NDST3: variants seen among roughly 807,000 people sequenced by gnomAD.
NDST3 encodes the protein N-deacetylase and N-sulfotransferase 3.
A neutral mutation model predicts 96.1 loss-of-function variants in NDST3; 58 were observed. The observed-to-expected ratio is 0.60, with a 90% CI of 0.49 to 0.75. The LOEUF (loss-of-function observed/expected upper bound fraction) is 0.75. NDST3 is among the 30% of genes least tolerant of loss of function. NDST3 has a pLI of 0.00. For synonymous variants in NDST3, 333 were observed against 359.7 expected (o/e 0.93, Z 0.84); for missense variants, 788 against 1,034.2 (o/e 0.76, Z 3.27).
At chr4:118,183,348 C>G (rs1736726286) in intron 6 of NDST3, among the ~76,000 whole-genome samples, 1 of 152,128 alleles carries the variant, frequency 6.6e-6, no homozygotes, top group South Asian at 2.1e-4. Context: ...GTTTCCAGCC[C>G]TTCTCTTCTT....
At chr4:118,173,372 C>A (rs1257381674) in intron 6 of NDST3, among the ~76,000 whole-genome samples, 1 of 152,052 alleles carries the variant, frequency 6.6e-6, no homozygotes, top group Non-Finnish European at 1.5e-5. Context: ...ATGCTCATAG[C>A]CTTAGATAGC....
intron 6 of NDST3, among the ~76,000 whole-genome samples, chr4:118,150,189 T>C (rs1354468476): frequency 6.6e-6 from 1 of 152,134 alleles, no homozygotes; most frequent in Non-Finnish European, 1.5e-5. Flanking sequence ...TGCATCAATG[T>C]TCATCAAGGA....
chr4:118,162,690 G>A (rs1230139632), intron 6 of NDST3, among the ~76,000 whole-genome samples: 4 of 148,572 alleles, frequency 2.7e-5, no homozygotes, highest in East Asian at 2.0e-4. Flanking sequence ...ATAGGCATGG[G>A]AAAGGACTTC....
At chr4:118,253,971 C>A (rs1029050240) in intron 13 of NDST3, among the ~76,000 whole-genome samples, 1 of 152,078 alleles carries the variant, frequency 6.6e-6, no homozygotes, top group African/African-American at 2.4e-5. Context: ...CCGAGTGTGG[C>A]GGCTCATGCC....
chr4:118,126,537 C>CATATATATATATATACACATATATATAT (rs1553933946), intron 4 of NDST3, among the ~76,000 whole-genome samples: 20 of 20,326 alleles, frequency 9.8e-4, no homozygotes, highest in South Asian at 2.7e-3. Flanking sequence ...TATATATACA[C>CATATATATATATATACACATATATATAT]ATATATATAT....
At chr4:118,173,422 G>A (rs970224807) in intron 6 of NDST3, among the ~76,000 whole-genome samples, 5 of 151,954 alleles carry the variant, frequency 3.3e-5, no homozygotes, top group East Asian at 1.9e-4. Context: ...TCTTAGTCTG[G>A]TTTCTTATCC....
In NDST3 at chr4:118,138,170, C is replaced by T. The variant is rs755636402; in HGVS notation, c.1341C>T (p.Thr447=). ...AWKKVWNIKI[T]STEEYPHLKP... is the part of the protein sequence containing the mutation. ...AGAAGGTCTGGAATATTAAAATCAC[C>T]AGCACTGAAGAATATCCACATCTGA... Residue 447 remains threonine (T), a synonymous_variant, in exon 5 of 14, where the codon ACC becomes ACT. Coordinates refer to ENST00000296499, the MANE Select transcript of NDST3 (RefSeq NM_004784.3). The T allele has an allele frequency of 1.2e-6, 2 of 1,613,820 alleles. No homozygotes were observed. The highest frequency in any genetic ancestry group is 1.7e-5 in the Admixed American group (1 of 59,978).
chr4:118,059,229 C>T lies in NDST3; in HGVS notation c.981+4338C>T, dbSNP rs544256948. 2.8e-4 allele frequency among the ~76,000 whole-genome samples: 43 copies of T among 152,210 alleles called. No individual in the cohort carries two copies. The South Asian group carries it at 8.9e-3, about 32-fold the overall frequency. On this transcript the variant is annotated intron_variant, in intron 2 of 13. Transcript: ENST00000296499. ...GTGGCTCCTCCTGGAGCATCTTGTA[C>T]TTCTTTCTGGAGGTACTCAACAGCC...
intron 6 of NDST3, among the ~76,000 whole-genome samples, chr4:118,222,238 C>T (rs1257361431): frequency 6.6e-6 from 1 of 151,868 alleles, no homozygotes; most frequent in Non-Finnish European, 1.5e-5. Flanking sequence ...AGAAAGCAAG[C>T]TAACTTTTTA....
At chr4:118,200,840 C>T (rs1005814233) in intron 6 of NDST3, among the ~76,000 whole-genome samples, 8 of 151,920 alleles carry the variant, frequency 5.3e-5, no homozygotes, top group Non-Finnish European at 1.0e-4. Flanking sequence ...AGATTTGTTA[C>T]ATAGGAATAT....
At chr4:118,172,940 A>G (rs979008954) in intron 6 of NDST3, among the ~76,000 whole-genome samples, 2 of 152,128 alleles carry the variant, frequency 1.3e-5, no homozygotes, top group African/African-American at 4.8e-5. Context: ...CACTAATAAT[A>G]TGTAAACTAT....
chr4:118,043,689 C>T (rs1470246207), intron 1 of NDST3, among the ~76,000 whole-genome samples: 3 of 152,158 alleles, frequency 2.0e-5, no homozygotes. Context: ...AGCAACAGGT[C>T]AGTCCATCCT....
intron 4 of NDST3, among the ~76,000 whole-genome samples, chr4:118,136,634 C>T (rs1362261866): frequency 6.6e-6 from 1 of 152,092 alleles, no homozygotes; most frequent in Non-Finnish European, 1.5e-5. Context: ...CCTTCAGAAA[C>T]ACAGGAATGG....
At chr4:118,164,573 T>G (rs751646978) in intron 6 of NDST3, among the ~76,000 whole-genome samples, 8 of 152,064 alleles carry the variant, frequency 5.3e-5, no homozygotes, top group African/African-American at 9.7e-5. Flanking sequence ...TTACAAGAAA[T>G]GCTAAAAGGA....
At chr4:118,110,681 T>C (rs1201156479) in intron 3 of NDST3, among the ~76,000 whole-genome samples, 1 of 152,174 alleles carries the variant, frequency 6.6e-6, no homozygotes, top group Admixed American at 6.5e-5. Context: ...TGCAATAACT[T>C]CATAAGATTT....
chr4:118,089,262 G>A (rs1253943969), intron 2 of NDST3, among the ~76,000 whole-genome samples: 2 of 151,804 alleles, frequency 1.3e-5, no homozygotes, highest in Non-Finnish European at 2.9e-5. Flanking sequence ...ATGGTATGCA[G>A]ACAGTAATGT....
intron 1 of NDST3, among the ~76,000 whole-genome samples, chr4:118,048,351 T>C (rs900255206): frequency 6.6e-6 from 1 of 151,940 alleles, no homozygotes; most frequent in Non-Finnish European, 1.5e-5. Flanking sequence ...AACAACATGA[T>C]GACAGGACCA....
chr4:118,227,890 G>A (rs1256981877), intron 8 of NDST3, among the ~76,000 whole-genome samples: 1 of 152,202 alleles, frequency 6.6e-6, no homozygotes, highest in Non-Finnish European at 1.5e-5. Flanking sequence ...GGGATTACAG[G>A]CGTGAGCCAC....
At chr4:118,253,374 A>G in intron 12 of NDST3, 125 bp from the exon 13 acceptor site, 1 of 567,986 alleles carries the variant, frequency 1.8e-6, no homozygotes, top group East Asian at 2.8e-5. Context: ...CTCTGGTTAT[A>G]GATTGTTATC....
Sources: gnomAD v4.1 joint callset for allele counts (sites outside exome capture counted in the v4.1 genomes callset) on GRCh38, gnomAD v4.1.1 for gene constraint, MANE v1.5 for transcripts, NCBI Gene and HGNC (gene_info 2026-07-23, HGNC 2026-07-21) for gene names.